ACVR1: variants seen among roughly 807,000 people sequenced by gnomAD.
ACVR1 encodes the protein activin A receptor type 1, also known as activin receptor type-1.
ACVR1 carries 38 observed loss-of-function variants against 57.1 expected under a neutral mutation model. The ratio of observed to expected loss-of-function variants is 0.67; its 90% confidence interval spans 0.51 to 0.87. ACVR1 has a LOEUF of 0.87. Among genes scored for constraint, ACVR1 ranks in the 40% least tolerant of loss-of-function variants. The probability of loss-of-function intolerance (pLI) is 0.00; values close to 1 mark genes in which losing one functional copy is unlikely to be tolerated. For missense variants in ACVR1, 463 were observed against 638.2 expected (o/e 0.73, Z 2.96); for synonymous variants, 212 against 228.1 (o/e 0.93, Z 0.63).
At chr2:157,829,458 T>C (rs1688506721) in intron 1 of ACVR1, among the ~76,000 whole-genome samples, 1 of 152,200 alleles carries the variant, frequency 6.6e-6, no homozygotes, top group Admixed American at 6.5e-5. Context: ...AAATTGTTCA[T>C]TGAGTAACGC....
At chr2:157,850,661 AAAG>A (rs1283767970) in intron 1 of ACVR1, among the ~76,000 whole-genome samples, 2 of 152,332 alleles carry the variant, frequency 1.3e-5, no homozygotes, top group East Asian at 3.9e-4. Context: ...ATAAAAAGAA[AAAG>A]AAGTTTACTT....
At chr2:157,795,108 G>A (rs939198824) in intron 3 of ACVR1, among the ~76,000 whole-genome samples, 3 of 151,906 alleles carry the variant, frequency 2.0e-5, no homozygotes, top group African/African-American at 7.3e-5. Context: ...ACAATTAATA[G>A]GATGCCTATC....
intron 7 of ACVR1, 118 bp downstream of exon 7, chr2:157,770,250 C>CCCTA (rs1401468515): frequency 5.6e-6 from 6 of 1,066,840 alleles, no homozygotes; most frequent in Non-Finnish European, 8.6e-6. Context: ...TGCTAAGGAT[C>CCCTA]CCTATATTGC....
intron 9 of ACVR1, among the ~76,000 whole-genome samples, chr2:157,746,197 G>T (rs1684956914): frequency 1.3e-5 from 2 of 152,116 alleles, no homozygotes; most frequent in Admixed American, 1.3e-4. Flanking sequence ...CAAGCTCCTG[G>T]GTGGCCTTCA....
chr2:157,741,402 C>A (rs191822159), intron 9 of ACVR1, among the ~76,000 whole-genome samples: 13 of 151,842 alleles, frequency 8.6e-5, no homozygotes, highest in African/African-American at 2.2e-4. Context: ...CTGAGGTGGG[C>A]AGATCATGAG....
At chr2:157,863,336 C>CTTTTTT (rs1161335923) in intron 1 of ACVR1, among the ~76,000 whole-genome samples, 2,339 of 35,668 alleles carry the variant, frequency 0.066, 692 homozygotes, top group Middle Eastern at 0.14. Flanking sequence ...AATTGTTTCT[C>CTTTTTT]TTTTTTTTTT....
intron 8 of ACVR1, among the ~76,000 whole-genome samples, chr2:157,761,376 G>C (rs965803314): frequency 9.9e-5 from 15 of 152,134 alleles, no homozygotes; most frequent in Admixed American, 9.2e-4. Flanking sequence ...CTGTGTTTGA[G>C]GTCCACAGGA....
chr2:157,846,395 C>G (rs1359862907), intron 1 of ACVR1, among the ~76,000 whole-genome samples: 2 of 152,120 alleles, frequency 1.3e-5, no homozygotes, highest in African/African-American at 4.8e-5. Flanking sequence ...TCAAATAAAC[C>G]TTGCTTCTCC....
At chr2:157,747,752 TG>T (rs558317538) in intron 9 of ACVR1, among the ~76,000 whole-genome samples, 77 of 152,132 alleles carry the variant, frequency 5.1e-4, no homozygotes, top group African/African-American at 1.8e-3. Context: ...CTGATTTGTG[TG>T]TGGGGGGGTG....
Position 157,766,007 on chromosome 2 carries a change from T to G in ACVR1, c.980A>C (p.Gln327Pro). 6.2e-7 allele frequency: 1 copy of G among 1,614,176 alleles called. No individual in the cohort carries two copies. Among genetic ancestry groups the G allele is most frequent in the Non-Finnish European group, 8.5e-7 (1 of 1,180,002 alleles). ...AHLHIEIFGTQGKPAIAHRDL... is the reference protein window; with the variant it reads ...AHLHIEIFGTPGKPAIAHRDL... ...TCGATGGGCAATGGCTGGTTTCCCT[T>G]GGGTCCCAAATATCTCTATGTGCAA... is the stretch of plus-strand genomic sequence containing the variant. The change falls in exon 8 of 11, where the codon CAA becomes CCA. Residue 327 changes from glutamine to proline, a missense_variant. Physicochemically the swap from Gln to Pro is moderately conservative, Grantham distance 76 (BLOSUM62 -1). This residue lies in a region of ACVR1 where 114 missense variants were observed against 216.2 expected (regional missense o/e 0.53). Transcript: ENST00000434821.
At chr2:157,778,741 G>A (rs1574054306) in intron 4 of ACVR1, among the ~76,000 whole-genome samples, 1 of 152,256 alleles carries the variant, frequency 6.6e-6, no homozygotes, top group East Asian at 1.9e-4. Flanking sequence ...ACCCATCTGT[G>A]GTCTCTGTCT....
chr2:157,826,278 T>C (rs1688348081), intron 1 of ACVR1, among the ~76,000 whole-genome samples: 1 of 152,218 alleles, frequency 6.6e-6, no homozygotes, highest in Non-Finnish European at 1.5e-5. Flanking sequence ...AGGAACTCTG[T>C]GTATTCAATG....
chr2:157,826,026 T>C (rs1688336234), intron 1 of ACVR1, among the ~76,000 whole-genome samples: 1 of 152,220 alleles, frequency 6.6e-6, no homozygotes, highest in Non-Finnish European at 1.5e-5. Context: ...GTTGTAACTG[T>C]TGCCTGGCAG....
chr2:157,747,611 T>C (rs1285316452), intron 9 of ACVR1, among the ~76,000 whole-genome samples: 1 of 152,256 alleles, frequency 6.6e-6, no homozygotes, highest in Non-Finnish European at 1.5e-5. Context: ...GATGTGAATG[T>C]TAAAATTTGA....
chr2:157,815,708 G>C (rs1379025760), intron 2 of ACVR1, among the ~76,000 whole-genome samples: 1 of 152,178 alleles, frequency 6.6e-6, no homozygotes, highest in South Asian at 2.1e-4. Context: ...AATGGGCATA[G>C]AAGTGTCTCA....
chr2:157,830,148 G>C (rs1688532753), intron 1 of ACVR1, among the ~76,000 whole-genome samples: 1 of 152,194 alleles, frequency 6.6e-6, no homozygotes, highest in Non-Finnish European at 1.5e-5. Context: ...GAACCCAGGA[G>C]GCGGAGGTTT....
intron 1 of ACVR1, among the ~76,000 whole-genome samples, chr2:157,851,888 CACACACACACACACACACA>C (rs1559093971): frequency 3.0e-3 from 12 of 4,062 alleles, no homozygotes; most frequent in Non-Finnish European, 0.015. Flanking sequence ...CACACACACA[CACACACACACACACACACA>C]CACCACCCCC....
chr2:157,795,893 A>G (rs541967592), intron 3 of ACVR1, among the ~76,000 whole-genome samples: 1 of 152,020 alleles, frequency 6.6e-6, no homozygotes, highest in African/African-American at 2.4e-5. Flanking sequence ...TACCTTGCCT[A>G]CATCACAGGT....
chr2:157,867,236 C>A (rs1215403517), intron 1 of ACVR1, among the ~76,000 whole-genome samples: 2 of 152,194 alleles, frequency 1.3e-5, no homozygotes, highest in East Asian at 3.8e-4. Flanking sequence ...AATTTATTCA[C>A]CAAGCCCTAT....
Sources: allele counts gnomAD v4.1 joint callset (sites outside exome capture counted in the v4.1 genomes callset), GRCh38; gene constraint gnomAD v4.1.1; regional missense constraint gnomAD v4.1.1; transcripts MANE v1.5; gene names NCBI Gene and HGNC (gene_info 2026-07-23, HGNC 2026-07-21).